Variants in BIK observed in about 807,000 individuals in gnomAD.
BIK encodes bcl-2-interacting killer.
BIK carries 14 observed loss-of-function variants against 12.1 expected under a neutral mutation model. The ratio of observed to expected loss-of-function variants is 1.16; its 90% CI spans 0.77 to 1.81. The LOEUF (loss-of-function observed/expected upper bound fraction) is 1.81. BIK is among the 40% of genes most tolerant of loss of function. BIK has a pLI of 0.00. For synonymous variants in BIK, 86 were observed against 92.3 expected (o/e 0.93, Z 0.39); for missense variants, 215 against 207.9 (o/e 1.03, Z -0.21).
intron 2 of BIK, among the ~76,000 whole-genome samples, 195 bp downstream of exon 2, chr22:43,124,378 T>G (rs1255351779): frequency 1.3e-5 from 2 of 152,106 alleles, no homozygotes; most frequent in Non-Finnish European, 2.9e-5. Context: ...CACCCTCCCC[T>G]GATACCAGCT....
At chr22:43,126,901 A>G (rs531137967) in intron 2 of BIK, among the ~76,000 whole-genome samples, 2 of 152,020 alleles carry the variant, frequency 1.3e-5, no homozygotes, top group East Asian at 1.9e-4. Flanking sequence ...ATCCCCTCCA[A>G]GTAGGGAGTG....
rs1189281732 is a variant in BIK at position 43,127,777 on chromosome 22, C to T, written c.242C>T (p.Ser81Phe). 1.9e-6 allele frequency: 3 copies of T among 1,551,988 alleles called. No individual in the cohort carries two copies. The highest frequency in any genetic ancestry group is 3.4e-4 in the Middle Eastern group (2 of 5,948). Residue 81 changes from serine (S) to phenylalanine (F), a missense_variant, in exon 3 of 5, where the codon TCC becomes TTC. By Grantham distance (155) the Ser-to-Phe change is radical. Transcript: ENST00000216115. The part of the protein sequence containing the change: ...SLRAPRLAQL[S>F]EVAMHSLGLA... Reference sequence around the variant, plus strand: ...AGGGCCCCGCGCCTGGCCCAGCTCTCCGAGGTGGCCATGCACAGGTAGCCG... The same window carrying T: ...AGGGCCCCGCGCCTGGCCCAGCTCTTCGAGGTGGCCATGCACAGGTAGCCG...
chr22:43,128,330 G>A (rs180892984), intron 3 of BIK, among the ~76,000 whole-genome samples, 166 bp from the exon 4 acceptor site: 29 of 152,196 alleles, frequency 1.9e-4, no homozygotes, highest in Non-Finnish European at 3.2e-4. Flanking sequence ...TCCATACCAC[G>A]CGGCCCCTGC....
At chr22:43,116,823 C>A (rs1443103598) in intron 1 of BIK, among the ~76,000 whole-genome samples, 1 of 152,140 alleles carries the variant, frequency 6.6e-6, no homozygotes, top group Non-Finnish European at 1.5e-5. Context: ...CCTGTAGTCC[C>A]AGGTACTTGG....
intron 4 of BIK, 87 bp downstream of exon 4, chr22:43,128,712 C>A: frequency 6.7e-7 from 1 of 1,484,970 alleles, no homozygotes; most frequent in Non-Finnish European, 9.1e-7. Flanking sequence ...ACAGTCCCCA[C>A]CACTCCGTAT....
chr22:43,120,248 C>T (rs987018088), intron 1 of BIK, among the ~76,000 whole-genome samples: 36 of 152,300 alleles, frequency 2.4e-4, no homozygotes, highest in Admixed American at 1.4e-3. Context: ...AGTGCAATGG[C>T]GCGGTCTCGG....
At chr22:43,114,989 C>G (rs1569464155) in intron 1 of BIK, among the ~76,000 whole-genome samples, 1 of 152,214 alleles carries the variant, frequency 6.6e-6, no homozygotes, top group Non-Finnish European at 1.5e-5. Flanking sequence ...AACCCCTTCC[C>G]TCATTCTCAG....
chr22:43,129,065 C>G (rs964545881), intron 4 of BIK, 148 bp from the exon 5 acceptor site: 3 of 1,415,118 alleles, frequency 2.1e-6, no homozygotes, highest in Non-Finnish European at 1.9e-6. Context: ...CACTTTCCCC[C>G]TCTCCTGAAC....
chr22:43,112,207 T>G lies in BIK; in HGVS notation c.-8+1404T>G, dbSNP rs561562282. On this transcript the variant is annotated intron_variant, in intron 1 of 4. Transcript: ENST00000216115. ...TTTGGGTGTTTTTTGTTTCTTTTTG[T>G]TTTTTTTTGAAACAGAGCTTCGCTC... Among the ~76,000 whole-genome samples the G allele has an allele frequency of 1.4e-5, 2 of 145,488 alleles. 1 individual carries two copies. The highest frequency in any genetic ancestry group is 4.2e-4 in the South Asian group (2 of 4,732).
intron 1 of BIK, among the ~76,000 whole-genome samples, chr22:43,120,751 T>C (rs1930204386): frequency 6.6e-6 from 1 of 152,218 alleles, no homozygotes; most frequent in African/African-American, 2.4e-5. Flanking sequence ...CCCATGCAGA[T>C]CTGGGCCCTA....
At position 43,129,529 on chromosome 22, in the gene BIK, A is replaced by G. The variant is rs756446160; in HGVS notation, c.*224A>G. ...AAAGATGAATTCCTATGGCTCTGCA[A>G]TTGTCACCGGTTAACTGTGGCCTGT... is the stretch of plus-strand genomic sequence containing the variant. On this transcript the variant is annotated 3_prime_UTR_variant, in exon 5 of 5. Transcript: ENST00000216115. 5.5e-6 allele frequency: 4 copies of G among 729,236 alleles called. No individual in the cohort carries two copies. Among genetic ancestry groups the G allele is most frequent in the Non-Finnish European group, 6.4e-6 (3 of 469,078 alleles). 45.2% of individuals were successfully genotyped at this position (729,236 alleles called of 1,614,324 possible). A position where few individuals can be genotyped will look rare whatever the true frequency, so the allele number is the denominator to read the frequency against.
rs368531160 is a variant in BIK, at chr22:43,129,471, GT to G, written c.*176del. ...CTGAGGTTTTATACTCAGGTTTTTT[GT>G]TTTTTTTTTATTCCAGTTTTCGTTT... is the stretch of plus-strand genomic sequence containing the variant. On this transcript the variant is annotated 3_prime_UTR_variant, in exon 5 of 5. Coordinates refer to ENST00000216115, the MANE Select transcript of BIK (RefSeq NM_001197.5). 1.7e-3 allele frequency: 1,741 copies of G among 1,052,980 alleles called. 2 individuals carry two copies. The highest frequency in any genetic ancestry group is 3.8e-3 in the African/African-American group (222 of 57,802). The allele number at this position is 1,052,980 out of a possible 1,614,324, so 65.2% of individuals were successfully genotyped here. A position where few individuals can be genotyped will look rare whatever the true frequency, so the allele number is the denominator to read the frequency against.
chr22:43,126,514 G>T (rs939623470), intron 2 of BIK, among the ~76,000 whole-genome samples: 6 of 152,100 alleles, frequency 3.9e-5, no homozygotes, highest in Non-Finnish European at 8.8e-5. Flanking sequence ...TCTTCCCCTG[G>T]TACAGATGAG....
intron 1 of BIK, among the ~76,000 whole-genome samples, chr22:43,113,377 C>T (rs748639337): frequency 1.3e-5 from 2 of 152,002 alleles, no homozygotes; most frequent in Non-Finnish European, 2.9e-5. Context: ...GCTGGGAATA[C>T]AGGCGTGAGC....
At chr22:43,122,539 T>A (rs1213714065) in intron 1 of BIK, among the ~76,000 whole-genome samples, 1 of 152,190 alleles carries the variant, frequency 6.6e-6, no homozygotes, top group African/African-American at 2.4e-5. Flanking sequence ...ACAGTCATCG[T>A]CATTATCGTC....
chr22:43,116,090 TAAC>T (rs1930108093), intron 1 of BIK, among the ~76,000 whole-genome samples: 2 of 152,276 alleles, frequency 1.3e-5, no homozygotes, highest in East Asian at 3.9e-4. Flanking sequence ...TTTTGAAACT[TAAC>T]AACTGTAGGC....
At chr22:43,128,711 A>G (rs1930374133) in intron 4 of BIK, 86 bp downstream of exon 4, 2 of 1,487,710 alleles carry the variant, frequency 1.3e-6, no homozygotes, top group South Asian at 2.6e-5. Flanking sequence ...CACAGTCCCC[A>G]CCACTCCGTA....
At chr22:43,111,643 C>T (rs1930014218) in intron 1 of BIK, among the ~76,000 whole-genome samples, 1 of 152,192 alleles carries the variant, frequency 6.6e-6, no homozygotes, top group South Asian at 2.1e-4. Flanking sequence ...TAGAATGAGC[C>T]ACTCGTGGGG....
chr22:43,124,321 G>A, intron 2 of BIK, 138 bp downstream of exon 2: 1 of 1,094,736 alleles, frequency 9.1e-7, no homozygotes, highest in Non-Finnish European at 1.3e-6. Context: ...TTTCCCGGAT[G>A]TGGGCATGGA....
Sources: allele counts gnomAD v4.1 joint callset (sites outside exome capture counted in the v4.1 genomes callset), GRCh38; gene constraint gnomAD v4.1.1; transcripts MANE v1.5; gene names NCBI Gene and HGNC (gene_info 2026-07-23, HGNC 2026-07-21).